The following ASIC2 variants were observed in gnomAD, a reference collection of about 807,000 sequenced individuals.
The protein encoded by ASIC2 is acid sensing ion channel subunit 2.
Under a neutral mutation model 57.3 loss-of-function variants are expected in ASIC2, and 25 were observed. The ratio of observed to expected loss-of-function variants is 0.44; its 90% CI spans 0.32 to 0.61. The LOEUF (loss-of-function observed/expected upper bound fraction) is 0.61. Among genes scored for constraint, ASIC2 ranks in the 20% least tolerant of loss-of-function variants. ASIC2 has a pLI of 0.06. For synonymous variants in ASIC2, 319 were observed against 307.5 expected (o/e 1.04, Z -0.39); for missense variants, 641 against 738.1 (o/e 0.87, Z 1.52).
At chr17:33,884,777 G>A (rs1914788556) in intron 1 of ASIC2, among the ~76,000 whole-genome samples, 1 of 149,614 alleles carries the variant, frequency 6.7e-6, no homozygotes, top group Non-Finnish European at 1.5e-5. Flanking sequence ...ACCCTTCAAT[G>A]GTTCCCTGAA....
chr17:33,159,838 T>C (rs1430961918), intron 1 of ASIC2, among the ~76,000 whole-genome samples: 2 of 152,176 alleles, frequency 1.3e-5, no homozygotes, highest in East Asian at 3.9e-4. Flanking sequence ...AGGATAATGA[T>C]AGCACCGACC....
At chr17:33,480,828 C>A (rs558679179) in intron 1 of ASIC2, among the ~76,000 whole-genome samples, 1 of 152,266 alleles carries the variant, frequency 6.6e-6, no homozygotes, top group South Asian at 2.1e-4. Flanking sequence ...TTGGACCTGA[C>A]CATCACCAGG....
intron 1 of ASIC2, among the ~76,000 whole-genome samples, chr17:33,363,618 C>A (rs1304368971): frequency 1.3e-5 from 2 of 152,234 alleles, no homozygotes; most frequent in Non-Finnish European, 2.9e-5. Context: ...GTGCGCATGT[C>A]CATTTACCAC....
At chr17:33,279,145 C>T (rs190186887) in intron 1 of ASIC2, among the ~76,000 whole-genome samples, 53 of 152,270 alleles carry the variant, frequency 3.5e-4, no homozygotes, top group Admixed American at 3.2e-3. Context: ...GTTATACACA[C>T]GTGGCTAAAA....
At chr17:33,761,938 G>T (rs983715323) in intron 1 of ASIC2, among the ~76,000 whole-genome samples, 3 of 151,882 alleles carry the variant, frequency 2.0e-5, no homozygotes, top group African/African-American at 7.3e-5. Flanking sequence ...GGAGTCAGGG[G>T]GTAGGGATGG....
intron 1 of ASIC2, among the ~76,000 whole-genome samples, chr17:33,394,004 TG>T (rs1909989762): frequency 6.6e-6 from 1 of 152,238 alleles, no homozygotes. Flanking sequence ...GGATTAAATA[TG>T]GAATCTATTT....
chr17:33,881,367 G>T lies in ASIC2; in HGVS notation c.555+274611C>A, dbSNP rs566802658. On this transcript the variant is annotated intron_variant, in intron 1 of 9. Coordinates refer to the ASIC2 transcript ENST00000359872. ...GATTGTATATCTAGAAAACCCCATCGTCTCAGCCCAAAATCTCCTTAAACT... is the reference window on the plus strand; with the variant it reads ...GATTGTATATCTAGAAAACCCCATCTTCTCAGCCCAAAATCTCCTTAAACT... 2.2e-3 allele frequency among the ~76,000 whole-genome samples: 339 copies of T among 152,240 alleles called. 2 individuals carry two copies. Among genetic ancestry groups the T allele is most frequent in the African/African-American group, 7.9e-3 (329 of 41,546 alleles).
chr17:33,796,771 C>T (rs1326624544), intron 1 of ASIC2, among the ~76,000 whole-genome samples: 3 of 152,154 alleles, frequency 2.0e-5, no homozygotes, highest in Non-Finnish European at 4.4e-5. Flanking sequence ...GGTATTTCTG[C>T]CATACAGAGA....
chr17:33,457,674 G>A (rs560239853), intron 1 of ASIC2, among the ~76,000 whole-genome samples: 1 of 152,302 alleles, frequency 6.6e-6, no homozygotes, highest in Non-Finnish European at 1.5e-5. Flanking sequence ...GGTGGTGGTG[G>A]TGACGTCAAC....
intron 1 of ASIC2, among the ~76,000 whole-genome samples, chr17:33,419,855 T>C (rs1910984138): frequency 6.6e-6 from 1 of 152,096 alleles, no homozygotes. Context: ...AAACTATCTT[T>C]GAGACATATT....
chr17:33,801,723 G>C (rs11658936), intron 1 of ASIC2, among the ~76,000 whole-genome samples: 84,770 of 152,014 alleles, frequency 0.56, 24,650 homozygotes, highest in Non-Finnish European at 0.65. Flanking sequence ...AACCTTCAAT[G>C]TCCAATATGA....
At position 33,214,415 on chromosome 17, in the gene ASIC2, CCT is replaced by C. The variant is rs1159053183; in HGVS notation, c.708+76991_708+76992del. On this transcript the variant is annotated intron_variant, in intron 1 of 9. Transcript: ENST00000225823. ...TAAGGGAATAGGTGAATCTGCTCAT[CCT>C]CTCTGTCCTCTGGAGCTGGCAGACA... Among the ~76,000 whole-genome samples the C allele has an allele frequency of 2.6e-5, 4 of 152,286 alleles. No homozygotes were observed. The East Asian group carries it at 7.7e-4, about 29-fold the overall frequency.
intron 1 of ASIC2, among the ~76,000 whole-genome samples, chr17:33,712,663 T>TTTTTTTG (rs1909082117): frequency 8.5e-6 from 1 of 118,318 alleles, no homozygotes; most frequent in African/African-American, 3.0e-5. Flanking sequence ...TTTTTTTTTT[T>TTTTTTTG]GAGACGGAGT....
At chr17:33,840,283 A>G (rs1401182849) in intron 1 of ASIC2, among the ~76,000 whole-genome samples, 3 of 152,130 alleles carry the variant, frequency 2.0e-5, no homozygotes, top group Admixed American at 2.0e-4. Context: ...GTGTTAGGGG[A>G]GCCCAGTGTG....
intron 1 of ASIC2, among the ~76,000 whole-genome samples, chr17:33,572,930 T>C (rs1043794774): frequency 2.6e-5 from 4 of 152,234 alleles, no homozygotes; most frequent in Non-Finnish European, 4.4e-5. Context: ...CCTCATCTCC[T>C]CTGTCCTCAG....
At chr17:33,105,470 C>A (rs941780986) in intron 2 of ASIC2, among the ~76,000 whole-genome samples, 1 of 152,158 alleles carries the variant, frequency 6.6e-6, no homozygotes, top group Non-Finnish European at 1.5e-5. Context: ...TATGAATTAC[C>A]CAGTCTTGGT....
At chr17:33,285,805 TCA>T (rs1440005926) in intron 1 of ASIC2, among the ~76,000 whole-genome samples, 1 of 152,210 alleles carries the variant, frequency 6.6e-6, no homozygotes, top group Non-Finnish European at 1.5e-5. Context: ...ATGTAGATTT[TCA>T]CACAGTCTTC....
chr17:33,510,069 AG>A (rs1914385745), intron 1 of ASIC2, among the ~76,000 whole-genome samples: 2 of 152,170 alleles, frequency 1.3e-5, no homozygotes, highest in South Asian at 4.1e-4. Context: ...CAGTGAAGTG[AG>A]CATCTATCTG....
chr17:33,642,606 A>G (rs973360640), intron 1 of ASIC2, among the ~76,000 whole-genome samples: 3 of 152,208 alleles, frequency 2.0e-5, no homozygotes, highest in Non-Finnish European at 4.4e-5. Flanking sequence ...CTGTCCGTCC[A>G]TCAACCTTCT....
Sources: allele counts gnomAD v4.1 joint callset (sites outside exome capture counted in the v4.1 genomes callset), GRCh38; gene constraint gnomAD v4.1.1; transcripts MANE v1.5; gene names NCBI Gene and HGNC (gene_info 2026-07-23, HGNC 2026-07-21).